ZNF689: variants seen among roughly 807,000 people sequenced by gnomAD.
The protein encoded by ZNF689 is short ORF-encoded histone-binding protein.
A neutral mutation model predicts 37.2 loss-of-function variants in ZNF689; 14 were observed. The ratio of observed to expected loss-of-function variants is 0.38; its 90% CI spans 0.25 to 0.59. The LOEUF (loss-of-function observed/expected upper bound fraction) is 0.59. Ranked by LOEUF, ZNF689 falls within the 20% of genes least tolerant of loss-of-function variation. The pLI, the probability that ZNF689 is intolerant of heterozygous loss-of-function variation, is 0.68. For synonymous variants in ZNF689, 277 were observed against 283.3 expected (o/e 0.98, Z 0.22); for missense variants, 573 against 700.2 (o/e 0.82, Z 2.05).
In ZNF689 at chr16:30,609,576, G is replaced by T; in HGVS notation, c.268C>A (p.Pro90Thr). 1 of 1,614,110 alleles carries T rather than the reference G, an allele frequency of 6.2e-7. No homozygotes were observed. The highest frequency in any genetic ancestry group is 8.5e-7 in the Non-Finnish European group (1 of 1,180,018). The change falls in exon 2 of 3, where the codon CCG becomes ACG. Residue 90 changes from proline to threonine, a missense_variant. Pro to Thr is a conservative substitution (Grantham distance 38, BLOSUM62 -1). Around this residue, in one of 3 missense-constraint regions of ZNF689, gnomAD observed 252 missense variants for 313.3 expected, o/e 0.80. Transcript: ENST00000287461. Reference sequence around the variant, plus strand: ...TACTCCTGCGGATCTAGAGCAGCCGGTTCCCAGTCATCGGTGTTTCGTTCC... The same window carrying T: ...TACTCCTGCGGATCTAGAGCAGCCGTTTCCCAGTCATCGGTGTTTCGTTCC... ...WLERNTDDWE[P>T]AALDPQEYPR...
At position 30,604,392 on chromosome 16, in the gene ZNF689, A is replaced by G. The variant is rs1382154874; in HGVS notation, c.1375T>C (p.Cys459Arg). The change falls in exon 3 of 3, where the codon TGC becomes CGC. Residue 459 changes from cysteine to arginine, a missense_variant. Cys to Arg is a radical substitution (Grantham distance 180, BLOSUM62 -3). Transcript: ENST00000287461. The surrounding 1 kb of genome is among the most constrained non-coding windows in gnomAD (Gnocchi z 5.2). ...CGGAAGCACCGGCCACACTCGAGGC[A>G]GGGGAAAGGCTTCTCCCCCGTGTGC... is the stretch of plus-strand genomic sequence containing the variant. ...LLHTGEKPFP[C>R]LECGRCFRQR... 6.2e-7 allele frequency: 1 copy of G among 1,613,744 alleles called. No individual in the cohort carries two copies. Among genetic ancestry groups the G allele is most frequent in the Non-Finnish European group, 8.5e-7 (1 of 1,179,964 alleles).
Position 30,604,384 on chromosome 16 carries a change from C to T in ZNF689, c.1383G>A (p.Glu461=). The T allele has an allele frequency of 1.2e-6, 2 of 1,613,858 alleles. No individual in the cohort carries two copies. Among genetic ancestry groups the T allele is most frequent in the Non-Finnish European group, 1.7e-6 (2 of 1,179,968 alleles). The part of the protein sequence containing the change: ...HTGEKPFPCL[E]CGRCFRQRWS... ...ACCTCTGGCGGAAGCACCGGCCACA[C>T]TCGAGGCAGGGGAAAGGCTTCTCCC... The change falls in exon 3 of 3, where the codon GAG becomes GAA. Residue 461 remains glutamate (E), a synonymous_variant. Coordinates refer to ENST00000287461, the MANE Select transcript of ZNF689 (RefSeq NM_138447.3). The surrounding 1 kb of genome is among the most constrained non-coding windows in gnomAD (Gnocchi z 5.2).
chr16:30,605,518 C>G lies in ZNF689; in HGVS notation c.320-71G>C. ...CTCTTGTCAATTACATTATAGGTTA[C>G]AAGACCAATAGACTCACCCCCTGGT... On this transcript the variant is annotated intron_variant, in intron 2 of 2. Transcript: ENST00000287461. The surrounding 1 kb of genome is among the most constrained non-coding windows in gnomAD (Gnocchi z 5.1). 6.7e-7 allele frequency: 1 copy of G among 1,494,060 alleles called. No individual in the cohort carries two copies. 92.6% of individuals were successfully genotyped at this position (1,494,060 alleles called of 1,614,324 possible).
intron 2 of ZNF689, among the ~76,000 whole-genome samples, chr16:30,606,368 A>G (rs1022727021): frequency 6.6e-6 from 1 of 152,194 alleles, no homozygotes; most frequent in Non-Finnish European, 1.5e-5. Context: ...CCTTTTTCCA[A>G]TCTACCTTGT....
At chr16:30,606,006 G>C (rs2052032787) in intron 2 of ZNF689, among the ~76,000 whole-genome samples, 2 of 151,066 alleles carry the variant, frequency 1.3e-5, no homozygotes, top group African/African-American at 4.9e-5. Flanking sequence ...TCATTCAAAA[G>C]TCAAAATATC....
chr16:30,609,136 T>C (rs937618044), intron 2 of ZNF689, among the ~76,000 whole-genome samples: 3 of 152,084 alleles, frequency 2.0e-5, no homozygotes, highest in African/African-American at 7.2e-5. Context: ...GGGTAGCACC[T>C]GTTAAAAGCT....
At chr16:30,609,745 G>A (rs1326166672) in intron 1 of ZNF689, 92 bp downstream of exon 1, 5 of 1,576,318 alleles carry the variant, frequency 3.2e-6, no homozygotes, top group Non-Finnish European at 4.3e-6. Flanking sequence ...TGACAACCTG[G>A]TCGCCTGCCA....
chr16:30,607,104 G>A (rs74523967), intron 2 of ZNF689, among the ~76,000 whole-genome samples: 6,879 of 149,654 alleles, frequency 0.046, 492 homozygotes, highest in African/African-American at 0.16. Context: ...ATAAAAATTA[G>A]CTGGGCACAA....
At position 30,605,987 on chromosome 16, in the gene ZNF689, A is replaced by G. The variant is rs1222703714; in HGVS notation, c.320-540T>C. The stretch of plus-strand genomic sequence containing the variant: ...AAAAAAGGAATATTTTTGAAGAGGT[A>G]AGCTTACATCATTCAAAAGTCAAAA... On this transcript the variant is annotated intron_variant, in intron 2 of 2. Coordinates refer to ENST00000287461, the MANE Select transcript of ZNF689 (RefSeq NM_138447.3). The surrounding 1 kb of genome is among the most constrained non-coding windows in gnomAD (Gnocchi z 5.1). Among the ~76,000 whole-genome samples, 1 of 151,958 alleles carries G rather than the reference A, an allele frequency of 6.6e-6. No homozygotes were observed. The highest frequency in any genetic ancestry group is 1.5e-5 in the Non-Finnish European group (1 of 67,982).
At chr16:30,606,507 T>C (rs1403027758) in intron 2 of ZNF689, among the ~76,000 whole-genome samples, 1 of 152,062 alleles carries the variant, frequency 6.6e-6, no homozygotes, top group Non-Finnish European at 1.5e-5. Flanking sequence ...TTCTTTTTTT[T>C]TTTCTTTTTT....
Position 30,605,321 on chromosome 16 carries a change from G to A in ZNF689, c.446C>T (p.Pro149Leu), listed in dbSNP as rs2052025654. The change falls in exon 3 of 3, where the codon CCC becomes CTC. Residue 149 changes from proline (P) to leucine (L), a missense_variant. Pro to Leu is a moderately conservative substitution (Grantham distance 98, BLOSUM62 -3). Coordinates refer to ENST00000287461, the MANE Select transcript of ZNF689 (RefSeq NM_138447.3). This position sits in a 1 kb window ranked among gnomAD's most constrained non-coding sequence, Gnocchi z 5.1. The stretch of plus-strand genomic sequence containing the variant: ...GGTACAGCCGCAGTCAGGGCAGATG[G>A]GGCCCCCGGACGTCTGCCTAGGAAT... ...RLIPRQTSGG[P>L]ICPDCGCTFP... 1 of 1,612,480 alleles carries A rather than the reference G, an allele frequency of 6.2e-7. No homozygotes were observed. The highest frequency in any genetic ancestry group is 8.5e-7 in the Non-Finnish European group (1 of 1,179,166).
At position 30,605,405 on chromosome 16, in the gene ZNF689, G is replaced by A. The variant is rs1329925106; in HGVS notation, c.362C>T (p.Pro121Leu). Reference protein sequence around the residue: ...RKKNGEKEVFPPKEAPRKGKR... With the variant: ...RKKNGEKEVFLPKEAPRKGKR... ...CCCCTTTCGGGGTGCCTCCTTAGGC[G>A]GGAATACTTCCTTCTCCCCATTCTT... The change falls in exon 3 of 3, where the codon CCG becomes CTG. Residue 121 changes from proline to leucine, a missense_variant. Transcript: ENST00000287461. The surrounding 1 kb of genome is among the most constrained non-coding windows in gnomAD (Gnocchi z 5.1). 2 of 1,613,738 alleles carry A rather than the reference G, an allele frequency of 1.2e-6. No individual in the cohort carries two copies. The highest frequency in any genetic ancestry group is 1.7e-5 in the Admixed American group (1 of 59,974).
At chr16:30,607,562 G>A (rs2052048128) in intron 2 of ZNF689, among the ~76,000 whole-genome samples, 1 of 151,816 alleles carries the variant, frequency 6.6e-6, no homozygotes, top group Non-Finnish European at 1.5e-5. Flanking sequence ...CTACACTCCA[G>A]CCTGGGTGGA....
intron 2 of ZNF689, among the ~76,000 whole-genome samples, chr16:30,606,650 AC>A (rs2052039291): frequency 6.6e-6 from 1 of 151,788 alleles, no homozygotes. Flanking sequence ...ACAGGCATGC[AC>A]CACTATGCCC....
rs1203475014 is a variant in ZNF689, at chr16:30,602,746, AG to A, written c.*1517del. ...CTTGTGCTGAGATCAGGAGAGCTGT[AG>A]GAAGGAGCCACAGGGGTAAAGGATG... On this transcript the variant is annotated 3_prime_UTR_variant, in exon 3 of 3. Coordinates refer to ENST00000287461, the MANE Select transcript of ZNF689 (RefSeq NM_138447.3). 1.3e-5 allele frequency: 2 copies of A among 152,190 alleles called. No individual in the cohort carries two copies. Among genetic ancestry groups the A allele is most frequent in the Non-Finnish European group, 2.9e-5 (2 of 68,038 alleles). 9.4% of individuals were successfully genotyped at this position (152,190 alleles called of 1,614,324 possible).
chr16:30,606,015 T>C (rs889209467), intron 2 of ZNF689, among the ~76,000 whole-genome samples: 1 of 151,194 alleles, frequency 6.6e-6, no homozygotes, highest in African/African-American at 2.4e-5. Flanking sequence ...AGTCAAAATA[T>C]CAGCCAGGCA....
chr16:30,610,097 G>C lies in ZNF689; in HGVS notation c.-56C>G. The C allele has an allele frequency of 6.6e-7, 1 of 1,522,972 alleles. No homozygotes were observed. The highest frequency in any genetic ancestry group is 8.8e-7 in the Non-Finnish European group (1 of 1,134,768). The allele number at this position is 1,522,972 out of a possible 1,614,324, so 94.3% of individuals were successfully genotyped here. ...CGTGTCCAGGCCTCGGCCCTCGGGCGCTGGCGGCCCCTGGGATCGAGGAGC... is the reference window on the plus strand; with the variant it reads ...CGTGTCCAGGCCTCGGCCCTCGGGCCCTGGCGGCCCCTGGGATCGAGGAGC... On this transcript the variant is annotated 5_prime_UTR_variant, in exon 1 of 3. Transcript: ENST00000287461.
chr16:30,607,717 C>T lies in ZNF689; in HGVS notation c.319+1808G>A, dbSNP rs2052049787. ...GGGCGCGGTGGCTTACACCTGCAATCCCAGCACTTTGGAAGGCCAAGGCAG... is the reference window on the plus strand; with the variant it reads ...GGGCGCGGTGGCTTACACCTGCAATTCCAGCACTTTGGAAGGCCAAGGCAG... On this transcript the variant is annotated intron_variant, in intron 2 of 2. Transcript: ENST00000287461. Among the ~76,000 whole-genome samples the T allele has an allele frequency of 3.3e-5, 5 of 152,078 alleles. No individual in the cohort carries two copies. The South Asian group carries it at 1.0e-3, about 31-fold the overall frequency.
At chr16:30,609,250 G>A (rs931347770) in intron 2 of ZNF689, among the ~76,000 whole-genome samples, 7 of 121,326 alleles carry the variant, frequency 5.8e-5, no homozygotes, top group Non-Finnish European at 8.0e-5. Flanking sequence ...ACCGAACTGA[G>A]CAAGACAATG....
Sources: gnomAD v4.1 joint callset for allele counts (sites outside exome capture counted in the v4.1 genomes callset) on GRCh38, gnomAD v4.1.1 for gene constraint, gnomAD v4.1.1 regional missense constraint, Gnocchi (gnomAD v3.1) non-coding constraint, MANE v1.5 for transcripts, NCBI Gene and HGNC (gene_info 2026-07-23, HGNC 2026-07-21) for gene names.